RGS6: variants seen among roughly 807,000 people sequenced by gnomAD.
RGS6 encodes the protein regulator of G-protein signaling 6.
RGS6 carries 30 observed loss-of-function variants against 78.5 expected under a neutral mutation model. The observed-to-expected ratio is 0.38, with a 90% CI of 0.29 to 0.52. The LOEUF is 0.52. Ranked by LOEUF, RGS6 falls within the 20% of genes least tolerant of loss-of-function variation. The pLI, the probability that RGS6 is intolerant of heterozygous loss-of-function variation, is 0.85. For missense variants in RGS6, 495 were observed against 609.7 expected (o/e 0.81, Z 1.98); for synonymous variants, 206 against 206.0 (o/e 1.00, Z 0.00).
intron 2 of RGS6, among the ~76,000 whole-genome samples, chr14:72,349,788 GC>G (rs1288567891): frequency 6.6e-6 from 1 of 152,174 alleles, no homozygotes; most frequent in African/African-American, 2.4e-5. Flanking sequence ...TTCAAATCCA[GC>G]CCGCAGCAGC....
intron 2 of RGS6, among the ~76,000 whole-genome samples, chr14:72,240,006 G>C (rs1402814404): frequency 6.6e-6 from 1 of 152,012 alleles, no homozygotes; most frequent in Non-Finnish European, 1.5e-5. Flanking sequence ...AGTAACTGTT[G>C]AGGGTGTCCT....
chr14:71,931,658 C>T (rs375169275), upstream of RGS6, among the ~76,000 whole-genome samples: 8 of 152,096 alleles, frequency 5.3e-5, no homozygotes, highest in African/African-American at 1.9e-4. Flanking sequence ...CACACAAATC[C>T]CACGGTTACC....
At chr14:72,629,372 T>C in the RGS6 span, among the ~76,000 whole-genome samples, 4 of 152,246 alleles carry the variant, frequency 2.6e-5, no homozygotes, top group Non-Finnish European at 5.9e-5. Context: ...GCACTTATTA[T>C]ATTTAACATT....
At chr14:72,340,067 A>T (rs1427423624) in intron 2 of RGS6, among the ~76,000 whole-genome samples, 1 of 152,124 alleles carries the variant, frequency 6.6e-6, no homozygotes, top group East Asian at 1.9e-4. Flanking sequence ...GTTTCCCAGC[A>T]CCTAGCATGC....
chr14:72,180,797 A>T (rs1160582192), intron 2 of RGS6, among the ~76,000 whole-genome samples: 1 of 152,124 alleles, frequency 6.6e-6, no homozygotes, highest in African/African-American at 2.4e-5. Flanking sequence ...TCCTGATATA[A>T]ATGATACATT....
At chr14:72,023,303 C>T (rs935257035) in intron 2 of RGS6, among the ~76,000 whole-genome samples, 5 of 152,160 alleles carry the variant, frequency 3.3e-5, no homozygotes, top group African/African-American at 1.2e-4. Context: ...CCAAGAAAGT[C>T]AATTTCCTTC....
chr14:72,258,373 C>A (rs2057482412), intron 2 of RGS6, among the ~76,000 whole-genome samples: 1 of 152,208 alleles, frequency 6.6e-6, no homozygotes, highest in South Asian at 2.1e-4. Flanking sequence ...ATTGTGAAGA[C>A]AGTAGACTTG....
At chr14:72,471,262 G>A (rs1457724835) in intron 8 of RGS6, among the ~76,000 whole-genome samples, 1 of 152,080 alleles carries the variant, frequency 6.6e-6, no homozygotes, top group Non-Finnish European at 1.5e-5. Context: ...TCCTCTCTAA[G>A]GAAACATGAG....
rs146777713 is a variant in RGS6, at chr14:72,096,127, G to T, written c.84+131252G>T. On this transcript the variant is annotated intron_variant, in intron 2 of 17. Coordinates refer to ENST00000553525, the MANE Select transcript of RGS6 (RefSeq NM_001204424.2). ...CTACTAAAAAATACAAAAAAAATTA[G>T]CTGAGTGCGGTGGCACGCACCTGTA... is the stretch of plus-strand genomic sequence containing the variant. Among the ~76,000 whole-genome samples the T allele has an allele frequency of 7.1e-3, 1,088 of 152,182 alleles. 39 individuals carry two copies. The highest frequency in any genetic ancestry group is 0.062 in the Admixed American group (952 of 15,286).
chr14:71,924,977 T>A, the RGS6 span, among the ~76,000 whole-genome samples: 1 of 152,222 alleles, frequency 6.6e-6, no homozygotes, highest in African/African-American at 2.4e-5. Context: ...GTTCTATTTT[T>A]AATTTTTAAG....
At position 72,004,017 on chromosome 14, in the gene RGS6, C is replaced by T. The variant is rs145404168; in HGVS notation, c.84+39142C>T. ...AAACTTTGCTCTCCACTGGAATCACCTTTGCATCCTCAAAAATACTACGCC... is the reference window on the plus strand; with the variant it reads ...AAACTTTGCTCTCCACTGGAATCACTTTTGCATCCTCAAAAATACTACGCC... On this transcript the variant is annotated intron_variant, in intron 2 of 17. Coordinates refer to ENST00000553525, the MANE Select transcript of RGS6 (RefSeq NM_001204424.2). 7.4e-4 allele frequency among the ~76,000 whole-genome samples: 112 copies of T among 152,288 alleles called. 1 individual carries two copies. In the Middle Eastern group the frequency reaches 0.01, roughly 14 times the overall value.
the RGS6 span, among the ~76,000 whole-genome samples, chr14:72,628,411 AG>A: frequency 6.6e-6 from 1 of 152,136 alleles, no homozygotes; most frequent in Non-Finnish European, 1.5e-5. Flanking sequence ...CTACACCTGA[AG>A]GTAACCAAAT....
chr14:72,048,904 T>C (rs1289987999), intron 2 of RGS6, among the ~76,000 whole-genome samples: 1 of 152,188 alleles, frequency 6.6e-6, no homozygotes, highest in African/African-American at 2.4e-5. Flanking sequence ...TTTGGCCCCA[T>C]TCATCTCACA....
At chr14:72,043,519 A>G (rs528585859) in intron 2 of RGS6, among the ~76,000 whole-genome samples, 5 of 152,202 alleles carry the variant, frequency 3.3e-5, no homozygotes, top group African/African-American at 7.2e-5. Context: ...ATAGAAATCT[A>G]TGTTGGTGGA....
chr14:72,481,470 G>T (rs1176649014), intron 12 of RGS6, among the ~76,000 whole-genome samples: 1 of 152,176 alleles, frequency 6.6e-6, no homozygotes, highest in Non-Finnish European at 1.5e-5. Context: ...GCCCAAGGCT[G>T]ACCTTGCACT....
Position 72,002,605 on chromosome 14 carries a change from C to CAA in RGS6, c.84+37739_84+37740dup, listed in dbSNP as rs66969536. Among the ~76,000 whole-genome samples, 307 of 149,846 alleles carry CAA rather than the reference C, an allele frequency of 2.0e-3. 1 individual carries two copies. Among genetic ancestry groups the CAA allele is most frequent in the Middle Eastern group, 3.4e-3 (1 of 294 alleles). On this transcript the variant is annotated intron_variant, in intron 2 of 17. Transcript: ENST00000553525. ...TGAGGCAAGAGTCTTGCCAACTTTT[C>CAA]AAAAAAAAAATGGGAACCCCTGGGC...
At chr14:72,026,656 A>G (rs1197834139) in intron 2 of RGS6, among the ~76,000 whole-genome samples, 1 of 152,028 alleles carries the variant, frequency 6.6e-6, no homozygotes, top group Admixed American at 6.6e-5. Flanking sequence ...ACATCTCACA[A>G]CCACAGAGCT....
At chr14:72,141,892 TAAAAA>T (rs201568114) in intron 2 of RGS6, among the ~76,000 whole-genome samples, 138 of 145,720 alleles carry the variant, frequency 9.5e-4, no homozygotes, top group African/African-American at 3.3e-3. Context: ...CATTTTACAT[TAAAAA>T]AAAAAAAACA....
chr14:72,326,000 A>G (rs568172603), intron 2 of RGS6, among the ~76,000 whole-genome samples: 1 of 152,340 alleles, frequency 6.6e-6, no homozygotes, highest in South Asian at 2.1e-4. Context: ...TTATCATGCA[A>G]CTTGCATGTA....
Sources: allele counts gnomAD v4.1 joint callset (sites outside exome capture counted in the v4.1 genomes callset), GRCh38; gene constraint gnomAD v4.1.1; transcripts MANE v1.5; gene names NCBI Gene and HGNC (gene_info 2026-07-23, HGNC 2026-07-21).